MAP2K2: variants seen among roughly 807,000 people sequenced by gnomAD.
The protein encoded by MAP2K2 is mitogen-activated protein kinase kinase 2.
Under a neutral mutation model 43.7 loss-of-function variants are expected in MAP2K2, and 24 were observed. That is an observed-to-expected ratio of 0.55 (90% CI 0.40 to 0.77). The LOEUF is 0.77. Among genes scored for constraint, MAP2K2 ranks in the 30% least tolerant of loss-of-function variants. The probability of loss-of-function intolerance (pLI) is 0.00; values close to 1 mark genes in which losing one functional copy is unlikely to be tolerated. For missense variants in MAP2K2, 470 were observed against 566.8 expected (o/e 0.83, Z 1.73); for synonymous variants, 244 against 239.7 (o/e 1.02, Z -0.17).
Position 4,101,348 on chromosome 19 carries a change from GGTCAGAGCTGAGCA to G in MAP2K2, c.529-82_529-69del, listed in dbSNP as rs2041008373. 6 of 1,512,176 alleles carry G rather than the reference GGTCAGAGCTGAGCA, an allele frequency of 4.0e-6. No homozygotes were observed. Among genetic ancestry groups the G allele is most frequent in the Non-Finnish European group, 5.4e-6 (6 of 1,112,328 alleles). 93.7% of individuals were successfully genotyped at this position (1,512,176 alleles called of 1,614,324 possible). A position where few individuals can be genotyped will look rare whatever the true frequency, so the allele number is the denominator to read the frequency against. On this transcript the variant is annotated intron_variant, in intron 4 of 10. Transcript: ENST00000262948. This position sits in a 1 kb window ranked among gnomAD's most constrained non-coding sequence, Gnocchi z 6.3. ...GGCTTAGCTCCTGACCGAGCCCGGG[GGTCAGAGCTGAGCA>G]GTCAGAGCTGGAGCGAGGGAGCTGC...
intron 2 of MAP2K2, among the ~76,000 whole-genome samples, chr19:4,116,018 T>C (rs1266485664): frequency 6.6e-6 from 1 of 152,200 alleles, no homozygotes; most frequent in East Asian, 1.9e-4. Context: ...ACGGGGGCCG[T>C]CAGCACCAGG....
rs539032666 is a variant in MAP2K2 at position 4,115,579 on chromosome 19, G to A, written c.303+1840C>T. Among the ~76,000 whole-genome samples, 1 of 152,220 alleles carries A rather than the reference G, an allele frequency of 6.6e-6. No individual in the cohort carries two copies. Among genetic ancestry groups the A allele is most frequent in the Non-Finnish European group, 1.5e-5 (1 of 68,036 alleles). On this transcript the variant is annotated intron_variant, in intron 2 of 10. Coordinates refer to ENST00000262948, the MANE Select transcript of MAP2K2 (RefSeq NM_030662.4). This position sits in a 1 kb window ranked among gnomAD's most constrained non-coding sequence, Gnocchi z 4.1. ...AGGCTGCTCCGGTTTGGAAGAGGCT[G>A]CCTGCAGTACGGGGACAGAAATAGC...
In MAP2K2 at chr19:4,110,468, C is replaced by T. The variant is rs529263334; in HGVS notation, c.450+41G>A. Reference sequence around the variant, plus strand: ...TCCTTCTCCCCAACATGCTCTGTTCCGTGGAGGCCCTGCCCCTGCCCCTGC... The same window carrying T: ...TCCTTCTCCCCAACATGCTCTGTTCTGTGGAGGCCCTGCCCCTGCCCCTGC... On this transcript the variant is annotated intron_variant, in intron 3 of 10. Coordinates refer to ENST00000262948, the MANE Select transcript of MAP2K2 (RefSeq NM_030662.4). 64 of 1,609,300 alleles carry T rather than the reference C, an allele frequency of 4.0e-5. 3 individuals carry two copies. The South Asian group carries it at 5.5e-4, about 14-fold the overall frequency.
intron 10 of MAP2K2, among the ~76,000 whole-genome samples, chr19:4,091,679 TGC>T (rs2040856721): frequency 6.7e-6 from 1 of 149,790 alleles, no homozygotes; most frequent in Admixed American, 6.7e-5. Context: ...GAGACAGTCT[TGC>T]TCTGTCGCAC....
At position 4,106,950 on chromosome 19, in the gene MAP2K2, C is replaced by T. The variant is rs570866423; in HGVS notation, c.450+3559G>A. 3.9e-5 allele frequency among the ~76,000 whole-genome samples: 6 copies of T among 152,312 alleles called. No individual in the cohort carries two copies. In the South Asian group the frequency reaches 8.3e-4, roughly 21 times the overall value. ...GGCCAAGGGGCACCTCTACGAGGTCCGTAAGCCACTGGCTCTCCTTTCCCC... is the reference window on the plus strand; with the variant it reads ...GGCCAAGGGGCACCTCTACGAGGTCTGTAAGCCACTGGCTCTCCTTTCCCC... On this transcript the variant is annotated intron_variant, in intron 3 of 10. Coordinates refer to ENST00000262948, the MANE Select transcript of MAP2K2 (RefSeq NM_030662.4).
At chr19:4,102,602 G>A in intron 3 of MAP2K2, 149 bp from the exon 4 acceptor site, 1 of 889,854 alleles carries the variant, frequency 1.1e-6, no homozygotes, top group Non-Finnish European at 1.8e-6. Context: ...CAAGGGCAGG[G>A]CGTCTTCTGA....
intron 6 of MAP2K2, chr19:4,100,286 C>T (rs1420918386): frequency 1.3e-5 from 2 of 151,936 alleles, no homozygotes; most frequent in African/African-American, 2.4e-5. Flanking sequence ...CCAAATTACC[C>T]AGCTGTGGTG....
At chr19:4,114,315 A>C (rs147726754) in intron 2 of MAP2K2, among the ~76,000 whole-genome samples, 29 of 152,258 alleles carry the variant, frequency 1.9e-4, no homozygotes, top group African/African-American at 6.7e-4. Flanking sequence ...GCTGCTGTTC[A>C]ATTTTAATGA....
In MAP2K2 at chr19:4,117,306, A is replaced by G. The variant is rs956648865; in HGVS notation, c.303+113T>C. ...AGAGTCCCTGGTGGGGATGAGGGAC[A>G]GAGCCTGGAGCTAATCAGAATGCAG... is the stretch of plus-strand genomic sequence containing the variant. On this transcript the variant is annotated intron_variant, in intron 2 of 10. Transcript: ENST00000262948. 3 of 1,031,608 alleles carry G rather than the reference A, an allele frequency of 2.9e-6. No individual in the cohort carries two copies. The African/African-American group carries it at 4.9e-5, about 17-fold the overall frequency. The allele number at this position is 1,031,608 out of a possible 1,614,324, so 63.9% of individuals were successfully genotyped here.
At chr19:4,092,930 C>T (rs932158472) in intron 10 of MAP2K2, among the ~76,000 whole-genome samples, 5 of 152,190 alleles carry the variant, frequency 3.3e-5, no homozygotes, top group South Asian at 2.1e-4. Context: ...CTGGGCAGGT[C>T]GGGCACGGTG....
At chr19:4,113,543 C>T (rs1028029249) in intron 2 of MAP2K2, among the ~76,000 whole-genome samples, 5 of 152,124 alleles carry the variant, frequency 3.3e-5, no homozygotes, top group South Asian at 2.1e-4. Flanking sequence ...TTCGGAGCCT[C>T]GGAGCCATGT....
At chr19:4,120,521 T>C (rs1203961219) in intron 1 of MAP2K2, among the ~76,000 whole-genome samples, 1 of 152,182 alleles carries the variant, frequency 6.6e-6, no homozygotes, top group Non-Finnish European at 1.5e-5. Flanking sequence ...TTTGCCATGT[T>C]GGCCAGGTTG....
chr19:4,122,935 C>A (rs577776796), intron 1 of MAP2K2, among the ~76,000 whole-genome samples: 1 of 151,736 alleles, frequency 6.6e-6, no homozygotes, highest in South Asian at 2.1e-4. Flanking sequence ...TACTCAGGGA[C>A]CCCTCACCCC....
intron 10 of MAP2K2, among the ~76,000 whole-genome samples, chr19:4,092,405 A>G (rs957951375): frequency 1.3e-5 from 2 of 152,122 alleles, no homozygotes; most frequent in Admixed American, 1.3e-4. Context: ...CCTGGTCAAC[A>G]TGGTGAAACC....
Position 4,090,556 on chromosome 19 carries a change from G to A in MAP2K2, c.*42C>T, listed in dbSNP as rs1025910491. ...GGAAGGGCGGGGCATGGACAGGGAC[G>A]GTGGGCAGGTCACCAGCGGGACGCA... On this transcript the variant is annotated 3_prime_UTR_variant, in exon 11 of 11. Coordinates refer to ENST00000262948, the MANE Select transcript of MAP2K2 (RefSeq NM_030662.4). 14 of 1,467,978 alleles carry A rather than the reference G, an allele frequency of 9.5e-6. No homozygotes were observed. Among genetic ancestry groups the A allele is most frequent in the Admixed American group, 5.9e-5 (3 of 50,852 alleles). The allele number at this position is 1,467,978 out of a possible 1,614,324, so 90.9% of individuals were successfully genotyped here.
At chr19:4,119,048 AT>A (rs1237107112) in intron 1 of MAP2K2, among the ~76,000 whole-genome samples, 5 of 152,148 alleles carry the variant, frequency 3.3e-5, no homozygotes, top group Admixed American at 3.3e-4. Context: ...CACTTCATTT[AT>A]TTAGAGACAG....
chr19:4,099,102 G>A lies in MAP2K2; in HGVS notation c.919+99C>T, dbSNP rs921423420. ...GGCACCATCCAGGGGGACAGGTGGT[G>A]CGCCAGGGGCAGAGGGGAGGCAGCT... On this transcript the variant is annotated intron_variant, in intron 7 of 10. Transcript: ENST00000262948. 5.3e-5 allele frequency: 53 copies of A among 1,003,474 alleles called. 1 individual carries two copies. The African/African-American group carries it at 6.9e-4, about 13-fold the overall frequency. The allele number at this position is 1,003,474 out of a possible 1,614,324, so 62.2% of individuals were successfully genotyped here.
chr19:4,117,820 C>A (rs557333753), intron 1 of MAP2K2, among the ~76,000 whole-genome samples, 191 bp from the exon 2 acceptor site: 1 of 152,186 alleles, frequency 6.6e-6, no homozygotes, highest in Non-Finnish European at 1.5e-5. Flanking sequence ...GAATCCAGGG[C>A]GGCTCCCCGG....
chr19:4,095,340 G>A (rs2145043350), intron 9 of MAP2K2, 48 bp downstream of exon 9: 1 of 1,517,618 alleles, frequency 6.6e-7, no homozygotes, highest in Non-Finnish European at 8.9e-7. Flanking sequence ...GGAAGGAGTG[G>A]CACATCTGGG....
Sources: allele counts gnomAD v4.1 joint callset (sites outside exome capture counted in the v4.1 genomes callset), GRCh38; gene constraint gnomAD v4.1.1; non-coding constraint Gnocchi (gnomAD v3.1); transcripts MANE v1.5; gene names NCBI Gene and HGNC (gene_info 2026-07-23, HGNC 2026-07-21).